FAM13B: variants seen among roughly 807,000 people sequenced by gnomAD.
The protein encoded by FAM13B is protein FAM13B.
FAM13B carries 60 observed loss-of-function variants against 117.3 expected under a neutral mutation model. That is an observed-to-expected ratio of 0.51 (90% confidence interval 0.42 to 0.63). FAM13B has a LOEUF of 0.63. Ranked by LOEUF, FAM13B falls within the 30% of genes least tolerant of loss-of-function variation. The pLI, the probability that FAM13B is intolerant of heterozygous loss-of-function variation, is 0.00. For synonymous variants in FAM13B, 332 were observed against 356.1 expected, an observed-to-expected ratio of 0.93 and a Z score of 0.76; for missense variants, 972 against 1,091.9, an observed-to-expected ratio of 0.89 and a Z score of 1.55.
rs1211201954 is a variant in FAM13B, at chr5:138,009,718, T to C, written c.690+1290A>G. Among the ~76,000 whole-genome samples the C allele has an allele frequency of 1.5e-4, 22 of 149,836 alleles. 1 individual carries two copies. Among genetic ancestry groups the C allele is most frequent in the Admixed American group, 1.4e-3 (21 of 14,944 alleles). The stretch of plus-strand genomic sequence containing the variant: ...TACTCGAGAGGCTGGGGCAGGAGAA[T>C]TGCTTGAACCTGGGAGACAGGGGTT... On this transcript the variant is annotated intron_variant, in intron 6 of 23. Transcript: ENST00000689681.
chr5:137,957,719 C>T (rs957946576), intron 13 of FAM13B, among the ~76,000 whole-genome samples: 3 of 152,086 alleles, frequency 2.0e-5, no homozygotes, highest in Admixed American at 6.5e-5. Flanking sequence ...CTGAAAGTTG[C>T]GGACCCCTAT....
At chr5:137,994,444 CT>C (rs1779365781) in intron 7 of FAM13B, among the ~76,000 whole-genome samples, 2 of 152,134 alleles carry the variant, frequency 1.3e-5, no homozygotes, top group South Asian at 2.1e-4. Flanking sequence ...GTAAAAAGCC[CT>C]GATATATCAG....
intron 7 of FAM13B, among the ~76,000 whole-genome samples, chr5:138,004,280 C>T (rs1259603729): frequency 6.6e-6 from 1 of 150,882 alleles, no homozygotes; most frequent in African/African-American, 2.4e-5. Context: ...AAAAAAAAAA[C>T]AAAACTGACA....
At chr5:138,027,623 G>A (rs1475229613) in intron 1 of FAM13B, among the ~76,000 whole-genome samples, 1 of 152,174 alleles carries the variant, frequency 6.6e-6, no homozygotes, top group Non-Finnish European at 1.5e-5. Context: ...TAATTTGTCT[G>A]ACATACTTAA....
intron 10 of FAM13B, among the ~76,000 whole-genome samples, chr5:137,970,161 G>T (rs1352616511): frequency 1.3e-5 from 2 of 151,794 alleles, no homozygotes; most frequent in East Asian, 3.9e-4. Context: ...ATAATTGTCA[G>T]ATTCACCAAA....
chr5:137,986,412 C>T (rs1430369421), intron 9 of FAM13B, among the ~76,000 whole-genome samples: 2 of 113,022 alleles, frequency 1.8e-5, no homozygotes, highest in African/African-American at 3.3e-5. Flanking sequence ...GATTTGGGTA[C>T]ATTTTTCTCA....
chr5:138,018,720 T>G (rs1451111044), intron 3 of FAM13B, among the ~76,000 whole-genome samples: 1 of 152,112 alleles, frequency 6.6e-6, no homozygotes, highest in African/African-American at 2.4e-5. Flanking sequence ...ACCCCTTATA[T>G]CCATTAAAAA....
chr5:137,961,386 A>G (rs1768076181), intron 11 of FAM13B, among the ~76,000 whole-genome samples: 2 of 152,156 alleles, frequency 1.3e-5, no homozygotes, highest in South Asian at 4.1e-4. Context: ...TTGTTCTACC[A>G]AATCCAGATG....
Position 137,988,178 on chromosome 5 carries a change from T to C in FAM13B, c.890+96A>G, listed in dbSNP as rs1257505233. On this transcript the variant is annotated intron_variant, in intron 8 of 23. Coordinates refer to ENST00000689681, the MANE Select transcript of FAM13B (RefSeq NM_001385994.1). Reference sequence around the variant, plus strand: ...TAGTTTACTGCCTGTGTACAGTCTTTCCTCTAAAGTGAGCACAAGTACATT... The same window carrying C: ...TAGTTTACTGCCTGTGTACAGTCTTCCCTCTAAAGTGAGCACAAGTACATT... 23 of 907,442 alleles carry C rather than the reference T, an allele frequency of 2.5e-5. No homozygotes were observed. In the Admixed American group the frequency reaches 6.1e-4, roughly 24 times the overall value. The allele number at this position is 907,442 out of a possible 1,614,324, so 56.2% of individuals were successfully genotyped here.
In FAM13B at chr5:138,006,913, T is replaced by C. The variant is rs1782699667; in HGVS notation, c.848+77A>G. The C allele has an allele frequency of 1.9e-5, 25 of 1,342,814 alleles. 1 individual carries two copies. The Admixed American group carries it at 4.7e-4, about 25-fold the overall frequency. The allele number at this position is 1,342,814 out of a possible 1,614,324, so 83.2% of individuals were successfully genotyped here. A position where few individuals can be genotyped will look rare whatever the true frequency, so the allele number is the denominator to read the frequency against. On this transcript the variant is annotated intron_variant, in intron 7 of 23. Coordinates refer to ENST00000689681, the MANE Select transcript of FAM13B (RefSeq NM_001385994.1). ...AACTTTCACATATAGTTACAGTTTG[T>C]GTTTCTGAATGCTGGAGTGAGTTTA...
At chr5:137,952,387 A>G (rs990369057) in intron 17 of FAM13B, among the ~76,000 whole-genome samples, 6 of 152,304 alleles carry the variant, frequency 3.9e-5, no homozygotes, top group African/African-American at 1.4e-4. Flanking sequence ...TTTCAAAAAG[A>G]TATTACTAAT....
Position 137,988,400 on chromosome 5 carries a change from A to C in FAM13B, c.849-85T>G, listed in dbSNP as rs533483282. 24 of 999,958 alleles carry C rather than the reference A, an allele frequency of 2.4e-5. No individual in the cohort carries two copies. The South Asian group carries it at 3.4e-4, about 14-fold the overall frequency. The allele number at this position is 999,958 out of a possible 1,614,324, so 61.9% of individuals were successfully genotyped here. The stretch of plus-strand genomic sequence containing the variant: ...TGCTGAAATCTGCCATATTTGCACT[A>C]CCTTGACACAACCAGGAGAGCACAT... On this transcript the variant is annotated intron_variant, in intron 7 of 23. Coordinates refer to ENST00000689681, the MANE Select transcript of FAM13B (RefSeq NM_001385994.1).
At position 137,987,487 on chromosome 5, in the gene FAM13B, A is replaced by G. The variant is rs1777534204; in HGVS notation, c.1020T>C (p.His340=). Reference sequence around the variant, plus strand: ...GGTTATTAGATCCTTCCCCATCACAATGAATACTTTCTGCTTCATTATTAC... The same window carrying G: ...GGTTATTAGATCCTTCCCCATCACAGTGAATACTTTCTGCTTCATTATTAC... ...VVCNNEAESI[H]CDGEGSNNQI... Residue 340 remains histidine (H), a synonymous_variant, in exon 9 of 24, where the codon CAT becomes CAC. Transcript: ENST00000689681. 6.2e-7 allele frequency: 1 copy of G among 1,612,658 alleles called. No individual in the cohort carries two copies. Among genetic ancestry groups the G allele is most frequent in the East Asian group, 2.2e-5 (1 of 44,776 alleles).
At chr5:137,987,025 CTATT>C (rs939428778) in intron 9 of FAM13B, among the ~76,000 whole-genome samples, 9 of 152,120 alleles carry the variant, frequency 5.9e-5, no homozygotes, top group African/African-American at 2.4e-5. Flanking sequence ...GAAGGGATAA[CTATT>C]TAAATAGCAA....
Position 137,940,220 on chromosome 5 carries a change from G to C in FAM13B, c.*5C>G, listed in dbSNP as rs750386837. 1.9e-6 allele frequency: 3 copies of C among 1,613,796 alleles called. No homozygotes were observed. The highest frequency in any genetic ancestry group is 2.2e-5 in the South Asian group (2 of 91,042). On this transcript the variant is annotated 3_prime_UTR_variant, in exon 24 of 24. Transcript: ENST00000689681. Reference sequence around the variant, plus strand: ...TTTATGATATGAATTTTCAAGGAACGTATCTTATATGGATTTTGAAGAATC... The same window carrying C: ...TTTATGATATGAATTTTCAAGGAACCTATCTTATATGGATTTTGAAGAATC...
Position 138,019,097 on chromosome 5 carries a change from G to T in FAM13B, c.15C>A (p.Ser5=). Residue 5 remains serine, a synonymous_variant, in exon 3 of 24, where the codon TCC becomes TCA. Coordinates refer to ENST00000689681, the MANE Select transcript of FAM13B (RefSeq NM_001385994.1). Reference sequence around the variant, plus strand: ...AGTTGCAGTTACTCAAGGAAGGGGAGGAGCTCTTCCTCATATCTTTTTTGC... The same window carrying T: ...AGTTGCAGTTACTCAAGGAAGGGGATGAGCTCTTCCTCATATCTTTTTTGC... MRKS[S]SPSLSNCNSV... The T allele has an allele frequency of 6.2e-7, 1 of 1,613,778 alleles. No individual in the cohort carries two copies. The highest frequency in any genetic ancestry group is 8.5e-7 in the Non-Finnish European group (1 of 1,179,906).
upstream of FAM13B, chr5:138,036,283 T>C: frequency 2.6e-6 from 1 of 383,848 alleles, no homozygotes; most frequent in Non-Finnish European, 5.2e-6. Context: ...GGAGAGCTTT[T>C]TTCTCATGGT....
At chr5:138,047,448 G>A (rs1329381879) in intron 1 of FAM13B, among the ~76,000 whole-genome samples, 1 of 151,260 alleles carries the variant, frequency 6.6e-6, no homozygotes, top group African/African-American at 2.4e-5. Context: ...AGAGGTTGCA[G>A]TGAGCCGAGA....
chr5:137,966,563 A>G (rs1770027690), intron 10 of FAM13B, among the ~76,000 whole-genome samples: 1 of 149,480 alleles, frequency 6.7e-6, no homozygotes, highest in South Asian at 2.1e-4. Flanking sequence ...CAACAATAAG[A>G]AAACAATCCA....
Sources: allele counts gnomAD v4.1 joint callset (sites outside exome capture counted in the v4.1 genomes callset), GRCh38; gene constraint gnomAD v4.1.1; transcripts MANE v1.5; gene names NCBI Gene and HGNC (gene_info 2026-07-23, HGNC 2026-07-21).